HDAC4: variants seen among roughly 807,000 people sequenced by gnomAD.
HDAC4 encodes histone deacetylase 4.
A neutral mutation model predicts 135.1 loss-of-function variants in HDAC4; 16 were observed. The ratio of observed to expected loss-of-function variants is 0.12; its 90% CI spans 0.08 to 0.18. The LOEUF (loss-of-function observed/expected upper bound fraction) is 0.18, where lower values mean the gene tolerates loss of function less well. HDAC4 is among the 10% of genes least tolerant of loss of function. The pLI, the probability that HDAC4 is intolerant of heterozygous loss-of-function variation, is 1.00. For missense variants in HDAC4, 1,143 were observed against 1,511.8 expected (o/e 0.76, Z 4.05); for synonymous variants, 685 against 653.4 (o/e 1.05, Z -0.74).
chr2:239,183,848 T>A (rs2044312105), intron 4 of HDAC4, among the ~76,000 whole-genome samples: 1 of 151,950 alleles, frequency 6.6e-6, no homozygotes, highest in Non-Finnish European at 1.5e-5. Context: ...CTCTTCACCT[T>A]CCTCGGCCAG....
intron 4 of HDAC4, among the ~76,000 whole-genome samples, chr2:239,178,134 C>G (rs752466464): frequency 3.3e-4 from 51 of 152,262 alleles, no homozygotes; most frequent in Non-Finnish European, 6.0e-4. Context: ...AAGTGCCAGG[C>G]CTCCACAGGT....
intron 24 of HDAC4, among the ~76,000 whole-genome samples, chr2:239,057,622 AAGAG>A (rs1038666981): frequency 4.6e-5 from 7 of 152,374 alleles, no homozygotes; most frequent in Admixed American, 1.3e-4. Flanking sequence ...TCAATGTGTC[AAGAG>A]CAAATCCTTG....
At position 239,102,826 on chromosome 2, in the gene HDAC4, T is replaced by A; in HGVS notation, c.2183A>T (p.Tyr728Phe). 6.2e-7 allele frequency: 1 copy of A among 1,613,946 alleles called. No homozygotes were observed. Among genetic ancestry groups the A allele is most frequent in the Middle Eastern group, 1.6e-4 (1 of 6,062 alleles). ...CTGCCGGTTGAGGGGGTTCGTGCCA[T>A]ACAGGAGGGTGTGGGCTTCCGAGTG... ...TVHSEAHTLL[Y>F]GTNPLNRQKL... Residue 728 changes from tyrosine to phenylalanine, a missense_variant, in exon 16 of 27, where the codon TAT becomes TTT. By Grantham distance (22) the Tyr-to-Phe change is conservative. Coordinates refer to ENST00000543185, the MANE Select transcript of HDAC4 (RefSeq NM_001378414.1).
In HDAC4 at chr2:239,115,081, G is replaced by T. The variant is rs376123651; in HGVS notation, c.1763C>A (p.Pro588His). 1 of 1,611,406 alleles carries T rather than the reference G, an allele frequency of 6.2e-7. No individual in the cohort carries two copies. Among genetic ancestry groups the T allele is most frequent in the Non-Finnish European group, 8.5e-7 (1 of 1,179,924 alleles). The change falls in exon 13 of 27, where the codon CCC (proline) becomes CAC (histidine). Residue 588 changes from proline to histidine, a missense_variant. Physicochemically the swap from Pro to His is moderately conservative, Grantham distance 77. Transcript: ENST00000543185. This position sits in a 1 kb window ranked among gnomAD's most constrained non-coding sequence, Gnocchi z 6.3. ...PREVEPGQRQ[P>H]SEQELLFRQQ... ...TCTGAAGAGCAGCTCCTGCTCACTG[G>T]GCTGGCGCTGGCCCGGCTCCACCTC...
chr2:239,222,401 G>A (rs1258294403), intron 3 of HDAC4, among the ~76,000 whole-genome samples: 1 of 152,076 alleles, frequency 6.6e-6, no homozygotes, highest in Non-Finnish European at 1.5e-5. Flanking sequence ...AACATCTTTT[G>A]GAAATATTTG....
chr2:239,201,061 T>A (rs2045726697), intron 3 of HDAC4, among the ~76,000 whole-genome samples: 1 of 152,102 alleles, frequency 6.6e-6, no homozygotes, highest in Non-Finnish European at 1.5e-5. Flanking sequence ...CGGCCTTTAG[T>A]GCTGATGTAT....
At chr2:239,375,100 C>A (rs1694913290) in intron 1 of HDAC4, among the ~76,000 whole-genome samples, 2 of 152,204 alleles carry the variant, frequency 1.3e-5, no homozygotes. Context: ...GCTGGGAGAA[C>A]ACGCAGAGCC....
At chr2:239,176,140 C>T (rs557119539) in intron 5 of HDAC4, among the ~76,000 whole-genome samples, 72 of 152,146 alleles carry the variant, frequency 4.7e-4, no homozygotes, top group Middle Eastern at 3.2e-3. Flanking sequence ...ACTCCTTCTG[C>T]CCCTCACCTT....
In HDAC4 at chr2:239,253,794, C is replaced by T. The variant is rs937465868; in HGVS notation, c.23-17130G>A. Among the ~76,000 whole-genome samples the T allele has an allele frequency of 5.3e-5, 8 of 152,170 alleles. No homozygotes were observed. In the South Asian group the frequency reaches 1.2e-3, roughly 24 times the overall value. The stretch of plus-strand genomic sequence containing the variant: ...AGCAGGTGCACTAAGACCCAGCTGC[C>T]TGTTCCTGGGGCCCAAGAGTCATCA... On this transcript the variant is annotated intron_variant, in intron 2 of 26. Coordinates refer to ENST00000543185, the MANE Select transcript of HDAC4 (RefSeq NM_001378414.1).
chr2:239,200,815 G>A (rs760768172), intron 3 of HDAC4, among the ~76,000 whole-genome samples: 7 of 152,120 alleles, frequency 4.6e-5, no homozygotes, highest in African/African-American at 7.2e-5. Context: ...TGGCGTTCTC[G>A]GTGCAGAGTT....
chr2:239,203,528 T>C (rs2045880724), intron 3 of HDAC4, among the ~76,000 whole-genome samples: 1 of 152,176 alleles, frequency 6.6e-6, no homozygotes, highest in South Asian at 2.1e-4. Flanking sequence ...ATGAGTCCTG[T>C]GGTCTCGAAG....
intron 24 of HDAC4, among the ~76,000 whole-genome samples, chr2:239,059,517 G>A (rs1037737636): frequency 6.6e-6 from 1 of 152,180 alleles, no homozygotes; most frequent in Admixed American, 6.5e-5. Flanking sequence ...GGAAACTGGG[G>A]ACACTTAACT....
In HDAC4 at chr2:239,102,958, G is replaced by A. The variant is rs6543510; in HGVS notation, c.2113-62C>T. On this transcript the variant is annotated intron_variant, in intron 15 of 26. Coordinates refer to ENST00000543185, the MANE Select transcript of HDAC4 (RefSeq NM_001378414.1). ...CAGAAGCTGCTGCTTCAGCTCCACA[G>A]ACAGAAACTCCAACTGAAACCATTG... is the stretch of plus-strand genomic sequence containing the variant. 0.21 allele frequency: 343,353 copies of A among 1,605,788 alleles called. 38,392 individuals carry two copies. The highest frequency in any genetic ancestry group is 0.26 in the South Asian group (23,533 of 90,708).
intron 2 of HDAC4, among the ~76,000 whole-genome samples, chr2:239,341,088 AC>A (rs1692269113): frequency 6.6e-6 from 1 of 152,094 alleles, no homozygotes; most frequent in South Asian, 2.1e-4. Flanking sequence ...ACCAACGAAA[AC>A]CTCTGCTTTC....
intron 1 of HDAC4, among the ~76,000 whole-genome samples, chr2:239,373,084 G>T (rs1694748701): frequency 6.6e-6 from 1 of 152,180 alleles, no homozygotes; most frequent in African/African-American, 2.4e-5. Flanking sequence ...ACGTCCTGGG[G>T]TCTGTGGCCC....
Position 239,119,473 on chromosome 2 carries a change from A to G in HDAC4, c.1534-4163T>C, listed in dbSNP as rs140146562. On this transcript the variant is annotated intron_variant, in intron 12 of 26. Coordinates refer to ENST00000543185, the MANE Select transcript of HDAC4 (RefSeq NM_001378414.1). Reference sequence around the variant, plus strand: ...GACATGGGGACAGGAGCTCAGGGCTAAGGGTGCGGGGACCAGAGCTCAGGG... The same window carrying G: ...GACATGGGGACAGGAGCTCAGGGCTGAGGGTGCGGGGACCAGAGCTCAGGG... Among the ~76,000 whole-genome samples the G allele has an allele frequency of 2.6e-3, 400 of 151,184 alleles. 4 individuals are homozygous for G. Among genetic ancestry groups the G allele is most frequent in the African/African-American group, 9.0e-3 (370 of 41,162 alleles).
chr2:239,210,022 C>T (rs1251119894), intron 3 of HDAC4, among the ~76,000 whole-genome samples: 3 of 152,146 alleles, frequency 2.0e-5, no homozygotes, highest in Non-Finnish European at 4.4e-5. Flanking sequence ...TGAGACGGGG[C>T]CTTCTAGAAC....
intron 15 of HDAC4, among the ~76,000 whole-genome samples, chr2:239,106,420 A>G (rs2038135731): frequency 6.6e-6 from 1 of 152,188 alleles, no homozygotes; most frequent in Non-Finnish European, 1.5e-5. Flanking sequence ...CAGAAGGGGC[A>G]GCAGGACAGC....
At chr2:239,083,951 C>T (rs2035605423) in intron 20 of HDAC4, among the ~76,000 whole-genome samples, 1 of 152,230 alleles carries the variant, frequency 6.6e-6, no homozygotes, top group South Asian at 2.1e-4. Context: ...ACGCCAGGAC[C>T]CCATTCGCCA....
Sources: gnomAD v4.1 joint callset for allele counts (sites outside exome capture counted in the v4.1 genomes callset) on GRCh38, gnomAD v4.1.1 for gene constraint, Gnocchi (gnomAD v3.1) non-coding constraint, MANE v1.5 for transcripts, NCBI Gene and HGNC (gene_info 2026-07-23, HGNC 2026-07-21) for gene names.